Variants in PLOD1 observed in about 807,000 individuals in gnomAD.
PLOD1 encodes the protein lysine hydroxylase.
PLOD1 carries 70 observed loss-of-function variants against 94.7 expected under a neutral mutation model. That is an observed-to-expected ratio of 0.74 (90% CI 0.61 to 0.90). PLOD1 has a LOEUF of 0.90. PLOD1 is among the 40% of genes least tolerant of loss of function. The pLI, the probability that PLOD1 is intolerant of heterozygous loss-of-function variation, is 0.00. For synonymous variants in PLOD1, 417 were observed against 400.2 expected (o/e 1.04, Z -0.50); for missense variants, 905 against 972.7 (o/e 0.93, Z 0.93).
rs1645823313 is a variant in PLOD1 at position 11,967,013 on chromosome 1, C to T, written c.1677C>T (p.Pro559=). ...ETPCPDVYWF[P]IFTEVACDEL... ...CCTGCCCGGATGTCTATTGGTTCCC[C>T]ATCTTCACGGAGGTGGCCTGTGATG... The change falls in exon 16 of 19, where the codon CCC becomes CCT. Residue 559 remains proline, a synonymous_variant. Coordinates refer to ENST00000196061, the MANE Select transcript of PLOD1 (RefSeq NM_000302.4). 6.2e-7 allele frequency: 1 copy of T among 1,613,666 alleles called. No individual in the cohort carries two copies. Among genetic ancestry groups the T allele is most frequent in the Non-Finnish European group, 8.5e-7 (1 of 1,179,536 alleles).
At position 11,963,442 on chromosome 1, in the gene PLOD1, T is replaced by C. The variant is rs758354658; in HGVS notation, c.1098-90T>C. 1.3e-5 allele frequency: 11 copies of C among 832,356 alleles called. No individual in the cohort carries two copies. Among genetic ancestry groups the C allele is most frequent in the Admixed American group, 2.0e-5 (1 of 50,114 alleles). The allele number at this position is 832,356 out of a possible 1,614,324, so 51.6% of individuals were successfully genotyped here. On this transcript the variant is annotated intron_variant, in intron 10 of 18. Coordinates refer to ENST00000196061, the MANE Select transcript of PLOD1 (RefSeq NM_000302.4). This position sits in a 1 kb window ranked among gnomAD's most constrained non-coding sequence, Gnocchi z 4.3. ...CCTCTCTAAAGCCCCTTGGCTGATA[T>C]GTGGTGAAGCCAGACTGTGGTCACA...
At position 11,955,299 on chromosome 1, in the gene PLOD1, A is replaced by C. The variant is rs536847297; in HGVS notation, c.643+406A>C. Among the ~76,000 whole-genome samples the C allele has an allele frequency of 2.0e-5, 3 of 152,340 alleles. No homozygotes were observed. In the South Asian group the frequency reaches 6.2e-4, roughly 32 times the overall value. ...GAAGCAAAAGGCTACTTGACCCTTG[A>C]TGCCGCAAACATCCCTGGGCCTGGC... On this transcript the variant is annotated intron_variant, in intron 6 of 18. Transcript: ENST00000196061.
chr1:11,953,869 GTTTA>G (rs919606550), intron 5 of PLOD1, among the ~76,000 whole-genome samples: 2 of 151,336 alleles, frequency 1.3e-5, no homozygotes, highest in African/African-American at 4.9e-5. Context: ...ATGTAGAATA[GTTTA>G]TTTATTTATT....
At chr1:11,961,365 CAG>C (rs375066619) in intron 10 of PLOD1, among the ~76,000 whole-genome samples, 108 of 152,274 alleles carry the variant, frequency 7.1e-4, no homozygotes, top group Middle Eastern at 3.4e-3. Context: ...GCCTGGGAAA[CAG>C]AGCGAGACCT....
chr1:11,957,935 G>A lies in PLOD1; in HGVS notation c.835G>A (p.Gly279Ser). ...VCDEGLRSLK[G>S]IGDEALPTVL... is the part of the protein sequence containing the mutation. The stretch of plus-strand genomic sequence containing the variant: ...TGACGAAGGCTTGCGCAGCCTCAAG[G>A]GCATTGGGGTGAGGCTGCGCCCAGG... Residue 279 changes from glycine (G) to serine (S), a missense_variant, in exon 8 of 19, where the codon GGC (glycine) becomes AGC (serine). Coordinates refer to ENST00000196061, the MANE Select transcript of PLOD1 (RefSeq NM_000302.4). This position sits in a 1 kb window ranked among gnomAD's most constrained non-coding sequence, Gnocchi z 4.1. 6.2e-7 allele frequency: 1 copy of A among 1,609,778 alleles called. No homozygotes were observed. Among genetic ancestry groups the A allele is most frequent in the Non-Finnish European group, 8.5e-7 (1 of 1,176,084 alleles).
rs35460537 is a variant in PLOD1, at chr1:11,970,702, G to T, written c.1788G>T (p.Val596=). The stretch of plus-strand genomic sequence containing the variant: ...GCATCCAGGGTGGCTACGAGAACGT[G>T]CCGACTATTGACATCCACATGAACC... The part of the protein sequence containing the change: ...DNRIQGGYEN[V]PTIDIHMNQI... The change falls in exon 17 of 19, where the codon GTG becomes GTT. Residue 596 remains valine (V), a synonymous_variant. Transcript: ENST00000196061. The T allele has an allele frequency of 7.2e-3, 11,691 of 1,613,122 alleles. 210 individuals are homozygous for T. Among genetic ancestry groups the T allele is most frequent in the African/African-American group, 0.063 (4,728 of 74,732 alleles).
intron 1 of PLOD1, among the ~76,000 whole-genome samples, chr1:11,937,810 C>T (rs942189164): frequency 6.6e-6 from 1 of 152,080 alleles, no homozygotes; most frequent in Non-Finnish European, 1.5e-5. Flanking sequence ...GAAAGCACAT[C>T]TGTGCTCACT....
chr1:11,949,838 C>A lies in PLOD1; in HGVS notation c.234C>A (p.Val78=). 6.2e-7 allele frequency: 1 copy of A among 1,614,050 alleles called. No individual in the cohort carries two copies. The highest frequency in any genetic ancestry group is 1.1e-5 in the South Asian group (1 of 91,080). The part of the protein sequence containing the change: ...KGTSAGGGQK[V]RLLKKALEKH... ...CGTCGGCAGGTGGAGGGCAGAAGGTCCGGCTGCTGAAGAAAGCTCTGGAGA... is the reference window on the plus strand; with the variant it reads ...CGTCGGCAGGTGGAGGGCAGAAGGTACGGCTGCTGAAGAAAGCTCTGGAGA... The change falls in exon 3 of 19, where the codon GTC becomes GTA. Residue 78 remains valine, a synonymous_variant. Coordinates refer to ENST00000196061, the MANE Select transcript of PLOD1 (RefSeq NM_000302.4).
intron 18 of PLOD1, among the ~76,000 whole-genome samples, chr1:11,974,263 C>T (rs1203389216): frequency 1.3e-5 from 2 of 151,790 alleles, no homozygotes; most frequent in South Asian, 2.1e-4. Context: ...GGCGCGATCT[C>T]GGCTCACTGC....
intron 1 of PLOD1, among the ~76,000 whole-genome samples, chr1:11,935,659 C>T (rs1188463297): frequency 2.0e-5 from 3 of 147,884 alleles, no homozygotes; most frequent in Non-Finnish European, 3.0e-5. Context: ...GAGTCTCGCT[C>T]TGTCGCCCAG....
chr1:11,955,773 A>G (rs1645733759), intron 6 of PLOD1, among the ~76,000 whole-genome samples: 1 of 152,034 alleles, frequency 6.6e-6, no homozygotes, highest in East Asian at 1.9e-4. Context: ...ACAGGCGCAC[A>G]CCACCATGCC....
Position 11,949,353 on chromosome 1 carries a change from A to T in PLOD1, c.169-420A>T, listed in dbSNP as rs76374686. Reference sequence around the variant, plus strand: ...ACCAGGAACCGGCTAATCCTCATACAGGTGGAGAATGGTTTCCTTACAGGG... The same window carrying T: ...ACCAGGAACCGGCTAATCCTCATACTGGTGGAGAATGGTTTCCTTACAGGG... On this transcript the variant is annotated intron_variant, in intron 2 of 18. Transcript: ENST00000196061. Among the ~76,000 whole-genome samples, 388 of 152,284 alleles carry T rather than the reference A, an allele frequency of 2.5e-3. 2 individuals are homozygous for T. The highest frequency in any genetic ancestry group is 9.1e-3 in the African/African-American group (379 of 41,558).
rs922997919 is a variant in PLOD1 at position 11,964,649 on chromosome 1, T to G, written c.1334T>G (p.Val445Gly). 8 of 1,612,344 alleles carry G rather than the reference T, an allele frequency of 5.0e-6. No homozygotes were observed. The highest frequency in any genetic ancestry group is 6.8e-6 in the Non-Finnish European group (8 of 1,179,692). The change falls in exon 13 of 19, where the codon GTC becomes GGC. Residue 445 changes from valine to glycine, a missense_variant. Transcript: ENST00000196061. Reference sequence around the variant, plus strand: ...GCTTTCTGTCTCTCCCACAGTGGTGTCTGGAATGTGCCCTATATTTCAAAC... The same window carrying G: ...GCTTTCTGTCTCTCCCACAGTGGTGGCTGGAATGTGCCCTATATTTCAAAC... ...VDIVQGRRVGVWNVPYISNIY... is the reference protein window; with the variant it reads ...VDIVQGRRVGGWNVPYISNIY...
rs1451852277 is a variant in PLOD1 at position 11,974,754 on chromosome 1, G to C, written c.2130G>C (p.Gly710=). 1 of 1,614,064 alleles carries C rather than the reference G, an allele frequency of 6.2e-7. No individual in the cohort carries two copies. Among genetic ancestry groups the C allele is most frequent in the South Asian group, 1.1e-5 (1 of 91,082 alleles). Residue 710 remains glycine (G), a synonymous_variant, in exon 19 of 19, where the codon GGG becomes GGC. Transcript: ENST00000196061. ...HPGRLTHYHE[G]LPTTRGTRYI... ...GACGACTCACGCATTACCATGAGGG[G>C]CTCCCCACCACCAGGGGCACCCGCT...
rs201244598 is a variant in PLOD1 at position 11,957,960 on chromosome 1, G to C, written c.843+17G>C. 556 of 1,543,542 alleles carry C rather than the reference G, an allele frequency of 3.6e-4. No individual in the cohort carries two copies. Among genetic ancestry groups the C allele is most frequent in the Non-Finnish European group, 4.4e-4 (492 of 1,115,854 alleles). ...GGCATTGGGGTGAGGCTGCGCCCAGGCCTGTGCCTGAGGGACACGGGGGGC... is the reference window on the plus strand; with the variant it reads ...GGCATTGGGGTGAGGCTGCGCCCAGCCCTGTGCCTGAGGGACACGGGGGGC... On this transcript the variant is annotated intron_variant, in intron 8 of 18. Coordinates refer to ENST00000196061, the MANE Select transcript of PLOD1 (RefSeq NM_000302.4). This position sits in a 1 kb window ranked among gnomAD's most constrained non-coding sequence, Gnocchi z 4.1.
chr1:11,966,935 G>T, intron 15 of PLOD1, 52 bp from the exon 16 acceptor site: 1 of 1,113,202 alleles, frequency 9.0e-7, no homozygotes, highest in Non-Finnish European at 1.4e-6. Flanking sequence ...GAGGAAGGAG[G>T]ATTCTGTGGT....
intron 6 of PLOD1, among the ~76,000 whole-genome samples, chr1:11,956,260 T>G (rs539281567): frequency 7.2e-5 from 11 of 152,134 alleles, no homozygotes; most frequent in African/African-American, 2.4e-4. Flanking sequence ...GGCATGTGCC[T>G]GTAATCCCAG....
chr1:11,947,854 G>A (rs996541131), intron 1 of PLOD1, 122 bp from the exon 2 acceptor site: 5 of 733,422 alleles, frequency 6.8e-6, no homozygotes, highest in South Asian at 1.5e-5. Flanking sequence ...GCCCTGTTCT[G>A]TAATGGGTTG....
Position 11,970,658 on chromosome 1 carries a change from G to C in PLOD1, c.1756-12G>C. 1.2e-6 allele frequency: 2 copies of C among 1,612,824 alleles called. No homozygotes were observed. The highest frequency in any genetic ancestry group is 1.7e-6 in the Non-Finnish European group (2 of 1,179,782). On this transcript the variant is annotated splice_polypyrimidine_tract_variant and intron_variant, in intron 16 of 18. Coordinates refer to ENST00000196061, the MANE Select transcript of PLOD1 (RefSeq NM_000302.4). ...AGAATTCTGCCTAAACATTCACCTC[G>C]GTCACCTCCAGGACAACCGCATCCA...
Sources: allele counts gnomAD v4.1 joint callset (sites outside exome capture counted in the v4.1 genomes callset), GRCh38; gene constraint gnomAD v4.1.1; non-coding constraint Gnocchi (gnomAD v3.1); transcripts MANE v1.5; gene names NCBI Gene and HGNC (gene_info 2026-07-23, HGNC 2026-07-21).